Variants in ADGRB3 observed in about 807,000 individuals in gnomAD.
ADGRB3 encodes adhesion G protein-coupled receptor B3, also known as brain-specific angiogenesis inhibitor 3.
In ADGRB3, 37 loss-of-function variants were observed where a neutral mutation model predicts 193.4. The ratio of observed to expected loss-of-function variants is 0.19; its 90% CI spans 0.15 to 0.25. The LOEUF is 0.25. ADGRB3 is among the 10% of genes least tolerant of loss of function. ADGRB3 has a pLI of 1.00. For synonymous variants in ADGRB3, 690 were observed against 644.2 expected (o/e 1.07, Z -1.08); for missense variants, 1,637 against 1,852.9 (o/e 0.88, Z 2.14).
At chr6:68,714,368 T>A (rs564542044) in intron 3 of ADGRB3, among the ~76,000 whole-genome samples, 20 of 119,312 alleles carry the variant, frequency 1.7e-4, no homozygotes, top group African/African-American at 5.2e-4. Flanking sequence ...ATTAGTCAAA[T>A]TTTTTTTTGT....
At chr6:68,697,167 T>C (rs193085292) in intron 3 of ADGRB3, among the ~76,000 whole-genome samples, 1 of 152,146 alleles carries the variant, frequency 6.6e-6, no homozygotes, top group Non-Finnish European at 1.5e-5. Context: ...TACACTGTTC[T>C]CTCTTGGAAG....
At chr6:69,093,049 G>A (rs1391030861) in intron 17 of ADGRB3, among the ~76,000 whole-genome samples, 1 of 151,852 alleles carries the variant, frequency 6.6e-6, no homozygotes, top group Non-Finnish European at 1.5e-5. Flanking sequence ...AGTGGAGGAG[G>A]GGTGGGCAGC....
At chr6:69,263,744 T>A (rs1248176071) in intron 20 of ADGRB3, among the ~76,000 whole-genome samples, 1 of 152,016 alleles carries the variant, frequency 6.6e-6, no homozygotes. Context: ...GGGAGACATG[T>A]ACTATCTCAC....
intron 11 of ADGRB3, among the ~76,000 whole-genome samples, chr6:69,002,272 A>G (rs536498080): frequency 1.3e-5 from 2 of 149,498 alleles, no homozygotes; most frequent in South Asian, 4.2e-4. Context: ...AGGCTGGAGT[A>G]CAGTGGCATG....
chr6:69,246,902 G>T (rs1216785022), intron 20 of ADGRB3, among the ~76,000 whole-genome samples: 1 of 152,134 alleles, frequency 6.6e-6, no homozygotes, highest in East Asian at 1.9e-4. Context: ...GCAGGTGATT[G>T]CTTTGAGAAT....
intron 15 of ADGRB3, among the ~76,000 whole-genome samples, chr6:69,060,045 G>A (rs977246750): frequency 1.3e-5 from 2 of 152,042 alleles, no homozygotes; most frequent in Non-Finnish European, 2.9e-5. Flanking sequence ...TTTCGTAGAG[G>A]TAGGTGCACG....
chr6:68,775,993 T>C (rs1766739406), intron 3 of ADGRB3, among the ~76,000 whole-genome samples: 1 of 152,174 alleles, frequency 6.6e-6, no homozygotes, highest in African/African-American at 2.4e-5. Flanking sequence ...CGATGTAGAA[T>C]TGTGCTGTGT....
At chr6:68,747,751 T>C (rs771286714) in intron 3 of ADGRB3, among the ~76,000 whole-genome samples, 4 of 152,194 alleles carry the variant, frequency 2.6e-5, no homozygotes, top group African/African-American at 4.8e-5. Context: ...TTGAGAGTTT[T>C]CTTGGGAACA....
chr6:69,019,968 G>C (rs1048615544), intron 13 of ADGRB3, among the ~76,000 whole-genome samples: 2 of 152,004 alleles, frequency 1.3e-5, no homozygotes, highest in African/African-American at 4.8e-5. Context: ...AAAAGGTTTA[G>C]CAATCACAGC....
chr6:69,262,625 C>G (rs552460351), intron 20 of ADGRB3, among the ~76,000 whole-genome samples: 25 of 151,982 alleles, frequency 1.6e-4, no homozygotes, highest in African/African-American at 6.0e-4. Flanking sequence ...TCTTTTGTCT[C>G]TGGTTTTACT....
rs1223852343 is a variant in ADGRB3 at position 68,771,411 on chromosome 6, C to CAT, written c.757+131984_757+131985dup. On this transcript the variant is annotated intron_variant, in intron 3 of 31. Coordinates refer to ENST00000370598, the MANE Select transcript of ADGRB3 (RefSeq NM_001704.3). Reference sequence around the variant, plus strand: ...ACACACACACACACACACACACACACATATATGTATACACACACATACATA... The same window carrying CAT: ...ACACACACACACACACACACACACACATATATATGTATACACACACATACATA... 6.9e-5 allele frequency among the ~76,000 whole-genome samples: 9 copies of CAT among 130,902 alleles called. No individual in the cohort carries two copies. In the East Asian group the frequency reaches 9.1e-4, roughly 13 times the overall value. The allele number at this position is 130,902 out of a possible 152,430, so 85.9% of individuals were successfully genotyped here.
chr6:68,705,332 A>G (rs1344749695), intron 3 of ADGRB3, among the ~76,000 whole-genome samples: 1 of 152,204 alleles, frequency 6.6e-6, no homozygotes, highest in Non-Finnish European at 1.5e-5. Context: ...TCAATTGCAC[A>G]GAGTAAATGC....
intron 15 of ADGRB3, among the ~76,000 whole-genome samples, chr6:69,059,945 G>A (rs528926587): frequency 4.5e-4 from 69 of 151,998 alleles, no homozygotes; most frequent in Non-Finnish European, 8.1e-4. Flanking sequence ...AGAATAATAC[G>A]AATGAGGACA....
chr6:69,023,515 A>G (rs1391972201), intron 13 of ADGRB3, among the ~76,000 whole-genome samples: 3 of 152,136 alleles, frequency 2.0e-5, no homozygotes, highest in African/African-American at 7.2e-5. Flanking sequence ...CAAAGTTGAA[A>G]TTGTGCTTGG....
intron 3 of ADGRB3, among the ~76,000 whole-genome samples, chr6:68,717,230 C>A (rs1165306559): frequency 6.6e-6 from 1 of 151,658 alleles, no homozygotes; most frequent in Admixed American, 6.6e-5. Flanking sequence ...GTTAAACATG[C>A]ACAGTTCTTA....
intron 20 of ADGRB3, among the ~76,000 whole-genome samples, chr6:69,295,584 T>C (rs1406423661): frequency 1.3e-5 from 2 of 152,110 alleles, no homozygotes. Context: ...AATGTTTTTA[T>C]ACCATAAACC....
chr6:68,934,461 G>C (rs1249686542), intron 4 of ADGRB3, among the ~76,000 whole-genome samples: 2 of 152,108 alleles, frequency 1.3e-5, no homozygotes. Context: ...TATGTTTTCT[G>C]TCATTATGAC....
intron 3 of ADGRB3, among the ~76,000 whole-genome samples, chr6:68,871,558 C>A (rs1765456333): frequency 6.6e-6 from 1 of 151,884 alleles, no homozygotes. Context: ...AGCTTATTTG[C>A]CACAAAGTTT....
chr6:69,175,392 G>T (rs866620895), intron 17 of ADGRB3, among the ~76,000 whole-genome samples: 41 of 152,214 alleles, frequency 2.7e-4, no homozygotes, highest in African/African-American at 8.7e-4. Flanking sequence ...TTATTGAATA[G>T]GGAGTCCTTT....
Sources: gnomAD v4.1 joint callset for allele counts (sites outside exome capture counted in the v4.1 genomes callset) on GRCh38, gnomAD v4.1.1 for gene constraint, MANE v1.5 for transcripts, NCBI Gene and HGNC (gene_info 2026-07-23, HGNC 2026-07-21) for gene names.